The following DNAH11 variants were observed in gnomAD, a reference collection of about 807,000 sequenced individuals.
DNAH11 encodes dynein axonemal heavy chain 11, also known as axonemal beta dynein heavy chain 11.
Under a neutral mutation model 526.0 loss-of-function variants are expected in DNAH11, and 442 were observed. That is an observed-to-expected ratio of 0.84 (90% CI 0.78 to 0.91). DNAH11 has a LOEUF of 0.91. Ranked by LOEUF, DNAH11 falls within the 40% of genes least tolerant of loss-of-function variation. The probability of loss-of-function intolerance (pLI) is 0.00; values close to 1 mark genes in which losing one functional copy is unlikely to be tolerated. For missense variants in DNAH11, 6,989 were observed against 5,448.7 expected (o/e 1.28, Z -8.90); for synonymous variants, 2,461 against 1,935.9 (o/e 1.27, Z -7.12).
At chr7:21,736,591 TAATA>T (rs1785622645) in intron 46 of DNAH11, among the ~76,000 whole-genome samples, 1 of 152,230 alleles carries the variant, frequency 6.6e-6, no homozygotes, top group South Asian at 2.1e-4. Context: ...TGGAGACTAA[TAATA>T]AATGTTCTTA....
intron 12 of DNAH11, among the ~76,000 whole-genome samples, chr7:21,589,621 G>A (rs1434293274): frequency 6.6e-6 from 1 of 151,614 alleles, no homozygotes; most frequent in Non-Finnish European, 1.5e-5. Flanking sequence ...TCTTTACCAC[G>A]CCACCCTCAC....
At chr7:21,629,159 GATTC>G (rs1786485042) in intron 25 of DNAH11, among the ~76,000 whole-genome samples, 1 of 151,848 alleles carries the variant, frequency 6.6e-6, no homozygotes, top group Non-Finnish European at 1.5e-5. Flanking sequence ...TTTCTTCATT[GATTC>G]ATTGGTTGGT....
At chr7:21,614,586 A>T (rs1333677975) in intron 20 of DNAH11, among the ~76,000 whole-genome samples, 1 of 152,214 alleles carries the variant, frequency 6.6e-6, no homozygotes, top group Non-Finnish European at 1.5e-5. Flanking sequence ...TTGAACCTTG[A>T]TAAAGACAGT....
At chr7:21,636,540 G>A (rs941518488) in intron 26 of DNAH11, among the ~76,000 whole-genome samples, 2 of 152,056 alleles carry the variant, frequency 1.3e-5, no homozygotes, top group Admixed American at 1.3e-4. Flanking sequence ...TTCGAGACAA[G>A]CCTAGGCAGT....
At chr7:21,647,289 T>G (rs1257352853) in intron 28 of DNAH11, among the ~76,000 whole-genome samples, 1 of 152,062 alleles carries the variant, frequency 6.6e-6, no homozygotes, top group African/African-American at 2.4e-5. Flanking sequence ...TTGCTCAGAT[T>G]GGTCAAAACA....
At chr7:21,747,375 T>G (rs1167515406) in intron 51 of DNAH11, among the ~76,000 whole-genome samples, 1 of 152,244 alleles carries the variant, frequency 6.6e-6, no homozygotes, top group Non-Finnish European at 1.5e-5. Flanking sequence ...AAGCACTATT[T>G]AAAACAATTT....
At chr7:21,800,877 C>T (rs1019864691) in intron 61 of DNAH11, among the ~76,000 whole-genome samples, 5 of 152,160 alleles carry the variant, frequency 3.3e-5, no homozygotes, top group Non-Finnish European at 7.3e-5. Flanking sequence ...TCACCCCAGT[C>T]GCTCCCTGCA....
intron 17 of DNAH11, 94 bp from the exon 18 acceptor site, chr7:21,601,302 C>T: frequency 1.4e-6 from 2 of 1,439,952 alleles, no homozygotes; most frequent in Non-Finnish European, 1.9e-6. Flanking sequence ...TAATCAGGTA[C>T]ATAATGAAAA....
At chr7:21,660,392 T>C (rs1040558478) in intron 30 of DNAH11, among the ~76,000 whole-genome samples, 1 of 152,032 alleles carries the variant, frequency 6.6e-6, no homozygotes, top group African/African-American at 2.4e-5. Context: ...TTCCTACTTA[T>C]TTTACTCTGT....
intron 63 of DNAH11, among the ~76,000 whole-genome samples, chr7:21,815,126 G>A (rs77151208): frequency 0.02 from 3,034 of 152,220 alleles, 105 homozygotes; most frequent in African/African-American, 0.069. Flanking sequence ...ACTCTGCACA[G>A]AGTAGGTACT....
chr7:21,875,810 G>C (rs1465844063), intron 74 of DNAH11, among the ~76,000 whole-genome samples: 1 of 150,800 alleles, frequency 6.6e-6, no homozygotes, highest in African/African-American at 2.4e-5. Context: ...TATCTGGAAA[G>C]CCACTTTTAT....
chr7:21,786,607 T>C lies in DNAH11; in HGVS notation c.9598-17T>C. ...CTAATCCTGTCTGTGTACGTGTTTC[T>C]GTGTGCTTTTCTTCAGGTCAACCTC... is the stretch of plus-strand genomic sequence containing the variant. On this transcript the variant is annotated splice_polypyrimidine_tract_variant and intron_variant, in intron 58 of 81. Coordinates refer to ENST00000409508, the MANE Select transcript of DNAH11 (RefSeq NM_001277115.2). The C allele has an allele frequency of 6.2e-7, 1 of 1,605,176 alleles. No homozygotes were observed. The highest frequency in any genetic ancestry group is 8.5e-7 in the Non-Finnish European group (1 of 1,173,822).
intron 66 of DNAH11, among the ~76,000 whole-genome samples, chr7:21,852,075 T>C (rs1350266472): frequency 6.6e-6 from 1 of 152,080 alleles, no homozygotes; most frequent in East Asian, 1.9e-4. Flanking sequence ...ATATACTGAT[T>C]CCATGAAATT....
chr7:21,616,964 G>A (rs955886713), intron 22 of DNAH11, among the ~76,000 whole-genome samples: 3 of 152,022 alleles, frequency 2.0e-5, no homozygotes, highest in Admixed American at 1.3e-4. Flanking sequence ...ACCCACTCTC[G>A]CCTGTATTTT....
chr7:21,709,716 T>C (rs193115079), intron 40 of DNAH11, among the ~76,000 whole-genome samples: 418 of 152,294 alleles, frequency 2.7e-3, no homozygotes, highest in African/African-American at 9.6e-3. Flanking sequence ...TGTAAAGAAC[T>C]ATGGCAGGGA....
chr7:21,750,754 G>T lies in DNAH11; in HGVS notation c.8940+390G>T, dbSNP rs186531470. ...TCCTGGAGGAAATGATGGGCCACGT[G>T]TTTAGCATGGAGAAGAATTCAAGGG... On this transcript the variant is annotated intron_variant, in intron 54 of 81. Coordinates refer to ENST00000409508, the MANE Select transcript of DNAH11 (RefSeq NM_001277115.2). 2.5e-3 allele frequency among the ~76,000 whole-genome samples: 385 copies of T among 152,310 alleles called. 1 individual carries two copies. The highest frequency in any genetic ancestry group is 4.2e-3 in the Non-Finnish European group (287 of 68,022).
intron 65 of DNAH11, among the ~76,000 whole-genome samples, chr7:21,830,014 T>C (rs1790479257): frequency 6.6e-6 from 1 of 152,234 alleles, no homozygotes. Context: ...GACGTCTTTT[T>C]GCCCCAGGAC....
Position 21,600,947 on chromosome 7 carries a change from G to A in DNAH11, c.3255+17G>A. ...AAAGAACAGGCAAGGAAAACCCTTA[G>A]CATTTAATGTAGTGAAATGGCTTTT... On this transcript the variant is annotated intron_variant, in intron 16 of 81. Transcript: ENST00000409508. 4 of 1,612,696 alleles carry A rather than the reference G, an allele frequency of 2.5e-6. No individual in the cohort carries two copies. The highest frequency in any genetic ancestry group is 3.4e-6 in the Non-Finnish European group (4 of 1,179,538).
At chr7:21,820,226 G>T (rs74439974) in intron 65 of DNAH11, among the ~76,000 whole-genome samples, 1 of 152,094 alleles carries the variant, frequency 6.6e-6, no homozygotes, top group Admixed American at 6.6e-5. Context: ...CTATACTGGG[G>T]GCTGCAGATT....
Sources: allele counts gnomAD v4.1 joint callset (sites outside exome capture counted in the v4.1 genomes callset), GRCh38; gene constraint gnomAD v4.1.1; transcripts MANE v1.5; gene names NCBI Gene and HGNC (gene_info 2026-07-23, HGNC 2026-07-21).